Variants in ABHD14A observed in about 807,000 individuals in gnomAD.
The protein encoded by ABHD14A is abhydrolase domain containing 14A, also known as protein ABHD14A.
In ABHD14A, 19 loss-of-function variants were observed where a neutral mutation model predicts 27.0. The observed-to-expected ratio is 0.70, with a 90% confidence interval of 0.49 to 1.03. ABHD14A has a LOEUF of 1.03. ABHD14A is among the 50% of genes least tolerant of loss of function. The pLI is 0.00. For missense variants in ABHD14A, 311 were observed against 344.6 expected (o/e 0.90, Z 0.77); for synonymous variants, 148 against 158.8 (o/e 0.93, Z 0.51).
At chr3:51,975,458 G>C (rs1577714048) in intron 1 of ABHD14A, among the ~76,000 whole-genome samples, 1 of 144,060 alleles carries the variant, frequency 6.9e-6, no homozygotes. Context: ...ATATTTTTGG[G>C]GGGGGGGTGT....
chr3:51,980,429 C>T lies in ABHD14A; in HGVS notation c.434C>T (p.Thr145Ile), dbSNP rs1437023730. The T allele has an allele frequency of 1.2e-6, 2 of 1,614,006 alleles. No individual in the cohort carries two copies. Among genetic ancestry groups the T allele is most frequent in the Non-Finnish European group, 1.7e-6 (2 of 1,180,030 alleles). Reference protein sequence around the residue: ...GNSAPSKEASTEAGRAALLER... With the variant: ...GNSAPSKEASIEAGRAALLER... The stretch of plus-strand genomic sequence containing the variant: ...TCGGCACCTTCAAAGGAGGCAAGCA[C>T]AGAGGCAGGGCGGGCAGCGCTGCTG... The change falls in exon 4 of 5, where the codon ACA (threonine) becomes ATA (isoleucine). Residue 145 changes from threonine to isoleucine, a missense_variant. Transcript: ENST00000273596.
At position 51,978,424 on chromosome 3, in the gene ABHD14A, GGCAACTGGACC is replaced by G. The variant is rs764946612; in HGVS notation, c.397+51_397+61del. The G allele has an allele frequency of 1.2e-5, 18 of 1,447,724 alleles. No homozygotes were observed. The South Asian group carries it at 2.0e-4, about 16-fold the overall frequency. The allele number at this position is 1,447,724 out of a possible 1,614,324, so 89.7% of individuals were successfully genotyped here. ...AGGGAAGCCTTAAGTGTGGCTGGGA[GGCAACTGGACC>G]CTAGGGTCTGGACAGGCCGTGGCAG... On this transcript the variant is annotated intron_variant, in intron 3 of 4. Coordinates refer to ENST00000273596, the MANE Select transcript of ABHD14A (RefSeq NM_015407.5).
chr3:51,975,565 G>T (rs531510276), intron 1 of ABHD14A, among the ~76,000 whole-genome samples: 14 of 152,102 alleles, frequency 9.2e-5, no homozygotes, highest in African/African-American at 2.4e-4. Flanking sequence ...CTGTCTGCGT[G>T]TGTGCATTTC....
chr3:51,975,261 C>A (rs1292126282), intron 1 of ABHD14A, 57 bp downstream of exon 1: 5 of 1,235,140 alleles, frequency 4.0e-6, no homozygotes, highest in Middle Eastern at 3.1e-4. Flanking sequence ...CCGTCTTTAC[C>A]CCGCCCCTTG....
chr3:51,978,453 C>A, intron 3 of ABHD14A, 79 bp downstream of exon 3: 2 of 1,062,350 alleles, frequency 1.9e-6, no homozygotes, highest in Non-Finnish European at 2.7e-6. Flanking sequence ...CTGGACAGGC[C>A]GTGGCAGGTC....
rs1244169579 is a variant in ABHD14A, at chr3:51,975,456, G to T, written c.69+252G>T. ...TGGGTTTCTGCGCGCTTATATTTTTGGGGGGGGGGTGTGTTCGTTGATGTC... is the reference window on the plus strand; with the variant it reads ...TGGGTTTCTGCGCGCTTATATTTTTTGGGGGGGGGTGTGTTCGTTGATGTC... On this transcript the variant is annotated intron_variant, in intron 1 of 4. Coordinates refer to ENST00000273596, the MANE Select transcript of ABHD14A (RefSeq NM_015407.5). Among the ~76,000 whole-genome samples the T allele has an allele frequency of 3.1e-4, 37 of 118,442 alleles. 1 individual carries two copies. The highest frequency in any genetic ancestry group is 1.9e-3 in the South Asian group (7 of 3,598). The allele number at this position is 118,442 out of a possible 152,430, so 77.7% of individuals were successfully genotyped here. A position where few individuals can be genotyped will look rare whatever the true frequency, so the allele number is the denominator to read the frequency against.
In ABHD14A at chr3:51,975,202, CCGG is replaced by C; in HGVS notation, c.68_69+1del. The stretch of plus-strand genomic sequence containing the variant: ...GGCCCGCCCGCTCATCCCGTTGGGC[CCGG>C]TGAGTCTCCCGGGGGAGGGAGGCCG... On this transcript the variant is annotated splice_donor_variant and coding_sequence_variant, in exon 1 of 5. Transcript: ENST00000273596. LOFTEE classifies it high-confidence loss of function. The C allele has an allele frequency of 7.9e-7, 1 of 1,265,350 alleles. No homozygotes were observed. Among genetic ancestry groups the C allele is most frequent in the South Asian group, 2.8e-5 (1 of 35,718 alleles). 78.4% of individuals were successfully genotyped at this position (1,265,350 alleles called of 1,614,324 possible).
chr3:51,978,778 G>A (rs548731628), intron 3 of ABHD14A: 11 of 233,286 alleles, frequency 4.7e-5, no homozygotes, highest in Admixed American at 1.0e-4. Flanking sequence ...TTTTAGTGGA[G>A]ATAGGGTTTC....
rs1026411817 is a variant in ABHD14A, at chr3:51,975,150, G to A, written c.15G>A (p.Leu5=). The A allele has an allele frequency of 1.2e-5, 15 of 1,290,442 alleles. No individual in the cohort carries two copies. The African/African-American group carries it at 2.2e-4, about 19-fold the overall frequency. The allele number at this position is 1,290,442 out of a possible 1,614,324, so 79.9% of individuals were successfully genotyped here. ...CGGAGGCAGCCATGGTCGGGGCGCT[G>A]TGCGGCTGCTGGTTCCGCCTGGGCG... MVGA[L]CGCWFRLGGA... is the part of the protein sequence containing the mutation. The change falls in exon 1 of 5, where the codon CTG becomes CTA. Residue 5 remains leucine (L), a synonymous_variant. Transcript: ENST00000273596.
In ABHD14A at chr3:51,975,118, G is replaced by C; in HGVS notation, c.-18G>C. On this transcript the variant is annotated 5_prime_UTR_variant, in exon 1 of 5. Transcript: ENST00000273596. ...GCCGCCTAGAGCCGGAGCGGCCCGC[G>C]GAGCTGCGGAGGCAGCCATGGTCGG... 7.7e-7 allele frequency: 1 copy of C among 1,291,396 alleles called. No homozygotes were observed. The highest frequency in any genetic ancestry group is 9.8e-7 in the Non-Finnish European group (1 of 1,019,374). 80.0% of individuals were successfully genotyped at this position (1,291,396 alleles called of 1,614,324 possible).
In ABHD14A at chr3:51,977,919, C is replaced by G. The variant is rs760523868; in HGVS notation, c.118C>G (p.Leu40Val). Residue 40 changes from leucine (L) to valine (V), a missense_variant, in exon 2 of 5, where the codon CTG becomes GTG. By Grantham distance (32) the Leu-to-Val change is conservative (BLOSUM62 1). Transcript: ENST00000273596. ...CCGGTCCCAGGTAGCCCTGCTGGGC[C>G]TGAGTCTGCTGCTCATGCTCCTACT... The part of the protein sequence containing the change: ...MSRSQVALLG[L>V]SLLLMLLLYV... The G allele has an allele frequency of 3.1e-6, 5 of 1,614,140 alleles. No individual in the cohort carries two copies. The highest frequency in any genetic ancestry group is 4.2e-6 in the Non-Finnish European group (5 of 1,180,022).
intron 3 of ABHD14A, 46 bp from the exon 4 acceptor site, chr3:51,980,347 T>G (rs1700886460): frequency 6.3e-7 from 1 of 1,581,612 alleles, no homozygotes; most frequent in South Asian, 1.1e-5. Flanking sequence ...GGAAGTCCTG[T>G]GCCCCTTCCC....
chr3:51,976,266 C>T (rs1299671670), intron 1 of ABHD14A, among the ~76,000 whole-genome samples: 2 of 152,264 alleles, frequency 1.3e-5, no homozygotes, highest in African/African-American at 2.4e-5. Flanking sequence ...AGCCCCCCGA[C>T]CCCGAAGCCT....
chr3:51,975,211 C>G lies in ABHD14A; in HGVS notation c.69+7C>G, dbSNP rs563437766. On this transcript the variant is annotated splice_region_variant and intron_variant, in intron 1 of 4. Transcript: ENST00000273596. ...GCTCATCCCGTTGGGCCCGGTGAGT[C>G]TCCCGGGGGAGGGAGGCCGGCCGGT... 1.8e-3 allele frequency: 2,288 copies of G among 1,255,544 alleles called. 4 individuals carry two copies. The highest frequency in any genetic ancestry group is 2.2e-3 in the Non-Finnish European group (2,168 of 999,750). The allele number at this position is 1,255,544 out of a possible 1,614,324, so 77.8% of individuals were successfully genotyped here.
intron 3 of ABHD14A, 89 bp downstream of exon 3, chr3:51,978,463 C>T (rs1700838841): frequency 1.1e-6 from 1 of 925,128 alleles, no homozygotes; most frequent in East Asian, 2.7e-5. Context: ...CGTGGCAGGT[C>T]ACAACATAAG....
At position 51,977,604 on chromosome 3, in the gene ABHD14A, G is replaced by T. The variant is rs2106812695; in HGVS notation, c.70-267G>T. On this transcript the variant is annotated intron_variant, in intron 1 of 4. Coordinates refer to ENST00000273596, the MANE Select transcript of ABHD14A (RefSeq NM_015407.5). ...TTGATGAACGGAAGTGGTTTCAGCT[G>T]ATGCCATGATGGTGGCGGTCACTGA... Among the ~76,000 whole-genome samples, 3 of 152,360 alleles carry T rather than the reference G, an allele frequency of 2.0e-5. No individual in the cohort carries two copies. In the East Asian group the frequency reaches 5.8e-4, roughly 29 times the overall value.
Position 51,980,321 on chromosome 3 carries a change from C to T in ABHD14A, c.398-72C>T, listed in dbSNP as rs1323583743. ...GTGCCAGTGGTCCCCAACTTTTTCC[C>T]CCACTGTGGTGGGCAGGAAGTCCTG... On this transcript the variant is annotated intron_variant, in intron 3 of 4. Transcript: ENST00000273596. The T allele has an allele frequency of 2.8e-6, 4 of 1,445,920 alleles. No homozygotes were observed. In the Admixed American group the frequency reaches 5.4e-5, roughly 20 times the overall value. The allele number at this position is 1,445,920 out of a possible 1,614,324, so 89.6% of individuals were successfully genotyped here.
At chr3:51,976,108 G>T (rs963688008) in intron 1 of ABHD14A, among the ~76,000 whole-genome samples, 1 of 152,234 alleles carries the variant, frequency 6.6e-6, no homozygotes, top group Non-Finnish European at 1.5e-5. Context: ...AATGTCCCTC[G>T]CGCCCGGTGG....
In ABHD14A at chr3:51,978,252, C is replaced by T; in HGVS notation, c.282-7C>T. On this transcript the variant is annotated splice_region_variant and splice_polypyrimidine_tract_variant and intron_variant, in intron 2 of 4. Transcript: ENST00000273596. Reference sequence around the variant, plus strand: ...CCCAGCAAACACATTCCCCTGTGTGCCTGCAGGGTGGAGGTGGTGCTGCTT... The same window carrying T: ...CCCAGCAAACACATTCCCCTGTGTGTCTGCAGGGTGGAGGTGGTGCTGCTT... 6.5e-7 allele frequency: 1 copy of T among 1,548,058 alleles called. No homozygotes were observed. Among genetic ancestry groups the T allele is most frequent in the Non-Finnish European group, 8.7e-7 (1 of 1,144,014 alleles).
Sources: gnomAD v4.1 joint callset for allele counts (sites outside exome capture counted in the v4.1 genomes callset) on GRCh38, gnomAD v4.1.1 for gene constraint, MANE v1.5 for transcripts, NCBI Gene and HGNC (gene_info 2026-07-23, HGNC 2026-07-21) for gene names.